SAMD12: variants seen among roughly 807,000 people sequenced by gnomAD.
SAMD12 encodes sterile alpha motif domain containing 12, also known as sterile alpha motif domain-containing protein 12.
A neutral mutation model predicts 15.0 loss-of-function variants in SAMD12; 9 were observed. The ratio of observed to expected loss-of-function variants is 0.60; its 90% confidence interval spans 0.36 to 1.05. SAMD12 has a LOEUF of 1.05. SAMD12 is among the 50% of genes least tolerant of loss of function. The pLI is 0.01. For synonymous variants in SAMD12, 86 were observed against 90.1 expected (o/e 0.96, Z 0.25); for missense variants, 230 against 234.2 (o/e 0.98, Z 0.12).
At chr8:118,346,342 A>G (rs1817651225) in intron 4 of SAMD12, among the ~76,000 whole-genome samples, 1 of 152,188 alleles carries the variant, frequency 6.6e-6, no homozygotes, top group Admixed American at 6.5e-5. Flanking sequence ...ATCCTTCCCA[A>G]CTGAATATTC....
intron 2 of SAMD12, among the ~76,000 whole-genome samples, chr8:118,518,005 C>T (rs1336497570): frequency 6.6e-6 from 1 of 152,180 alleles, no homozygotes; most frequent in Non-Finnish European, 1.5e-5. Context: ...CTCAGACTCA[C>T]TCTTTACTGA....
intron 2 of SAMD12, among the ~76,000 whole-genome samples, chr8:118,449,798 C>CAAAAAAAAAAAAAAAAAAA (rs35279962): frequency 1.4e-5 from 1 of 72,462 alleles, no homozygotes; most frequent in Non-Finnish European, 2.5e-5. Flanking sequence ...GAGACTGTCT[C>CAAAAAAAAAAAAAAAAAAA]AAAAAAAAAA....
chr8:118,184,622 A>G (rs147804685), downstream of SAMD12, among the ~76,000 whole-genome samples: 17 of 152,182 alleles, frequency 1.1e-4, no homozygotes, highest in East Asian at 3.3e-3. Flanking sequence ...CAGCCTCTGG[A>G]GTAGCTGGGA....
chr8:118,216,090 A>G (rs1811953291), intron 4 of SAMD12, among the ~76,000 whole-genome samples: 1 of 151,538 alleles, frequency 6.6e-6, no homozygotes, highest in Admixed American at 6.6e-5. Flanking sequence ...AGCAGTGTAA[A>G]AGTGTTCCTA....
chr8:118,144,828 T>G, the SAMD12 span, among the ~76,000 whole-genome samples: 1 of 152,190 alleles, frequency 6.6e-6, no homozygotes, highest in Non-Finnish European at 1.5e-5. Context: ...TAGCAAGTGA[T>G]AAAGCTTTTA....
chr8:118,583,107 C>A (rs1827338466), intron 1 of SAMD12, among the ~76,000 whole-genome samples: 1 of 152,102 alleles, frequency 6.6e-6, no homozygotes, highest in African/African-American at 2.4e-5. Context: ...ATGCCTATTA[C>A]TGAACTAACA....
rs569138501 is a variant in SAMD12 at position 118,204,562 on chromosome 8, G to C, written c.434-6830C>G. 3.3e-5 allele frequency among the ~76,000 whole-genome samples: 5 copies of C among 152,190 alleles called. No homozygotes were observed. In the East Asian group the frequency reaches 9.7e-4, roughly 29 times the overall value. The stretch of plus-strand genomic sequence containing the variant: ...GAGGTCAGAAGATCGACACCATCCT[G>C]GCTAACATGGTGAAACCCCATCTCC... On this transcript the variant is annotated intron_variant, in intron 4 of 4. Coordinates refer to the SAMD12 transcript ENST00000409003.
At chr8:118,618,714 C>T (rs766759754) in intron 1 of SAMD12, among the ~76,000 whole-genome samples, 1 of 151,998 alleles carries the variant, frequency 6.6e-6, no homozygotes, top group Non-Finnish European at 1.5e-5. Context: ...GTAGCAGGCA[C>T]CTGTAGCCCA....
At chr8:118,341,205 T>G (rs1817349991) in intron 4 of SAMD12, among the ~76,000 whole-genome samples, 1 of 152,184 alleles carries the variant, frequency 6.6e-6, no homozygotes, top group African/African-American at 2.4e-5. Flanking sequence ...CATGGTGGTC[T>G]CAGGGTAGCT....
chr8:118,240,862 T>A lies in SAMD12; in HGVS notation c.434-43130A>T, dbSNP rs1357151663. Reference sequence around the variant, plus strand: ...CAAGATTAAAGAGTCAACCAGCAGTTGACTGAGCTTTTTTCTCCTTGTCCA... The same window carrying A: ...CAAGATTAAAGAGTCAACCAGCAGTAGACTGAGCTTTTTTCTCCTTGTCCA... On this transcript the variant is annotated intron_variant, in intron 4 of 4. Transcript: ENST00000409003. Among the ~76,000 whole-genome samples the A allele has an allele frequency of 2.0e-5, 3 of 152,130 alleles. No individual in the cohort carries two copies. The South Asian group carries it at 6.2e-4, about 31-fold the overall frequency.
intron 1 of SAMD12, among the ~76,000 whole-genome samples, chr8:118,594,472 T>G (rs1827668765): frequency 6.6e-6 from 1 of 152,168 alleles, no homozygotes; most frequent in African/African-American, 2.4e-5. Context: ...GCTAAAGGTT[T>G]GAGTACTTCT....
chr8:118,308,534 G>A (rs1263335424), intron 4 of SAMD12, among the ~76,000 whole-genome samples: 1 of 152,106 alleles, frequency 6.6e-6, no homozygotes, highest in East Asian at 1.9e-4. Context: ...GCTGAGATAT[G>A]AGCAATACTC....
intron 4 of SAMD12, among the ~76,000 whole-genome samples, chr8:118,255,316 T>G (rs1812910440): frequency 6.6e-6 from 1 of 152,088 alleles, no homozygotes; most frequent in South Asian, 2.1e-4. Context: ...CCTGAATTCT[T>G]CTGGGGACAG....
chr8:118,252,767 GC>G (rs1398272831), intron 4 of SAMD12, among the ~76,000 whole-genome samples: 4 of 152,022 alleles, frequency 2.6e-5, no homozygotes, highest in Admixed American at 1.3e-4. Flanking sequence ...AGTGTAGAAG[GC>G]GCTGGGAGCT....
At chr8:118,321,647 G>C (rs1816291407) in intron 4 of SAMD12, among the ~76,000 whole-genome samples, 1 of 151,912 alleles carries the variant, frequency 6.6e-6, no homozygotes, top group Non-Finnish European at 1.5e-5. Context: ...GTTGTTCGTA[G>C]ATAGTGGAAG....
chr8:118,141,232 C>T, the SAMD12 span, among the ~76,000 whole-genome samples: 1 of 152,166 alleles, frequency 6.6e-6, no homozygotes. Context: ...TTCAGTAGCC[C>T]TTTGTTCAAT....
chr8:118,602,570 TG>T (rs1237372285), intron 1 of SAMD12, among the ~76,000 whole-genome samples: 1 of 152,156 alleles, frequency 6.6e-6, no homozygotes, highest in Non-Finnish European at 1.5e-5. Flanking sequence ...ATTAATAAAA[TG>T]GGTGGACAGA....
At chr8:118,392,021 T>C (rs1232114657) in intron 3 of SAMD12, among the ~76,000 whole-genome samples, 3 of 152,180 alleles carry the variant, frequency 2.0e-5, no homozygotes, top group Admixed American at 6.5e-5. Flanking sequence ...GTGGTCATTG[T>C]TGTGATAATT....
rs1415018462 is a variant in SAMD12, at chr8:118,449,812, A to AC, written c.193-9852_193-9851insG. 7.4e-4 allele frequency among the ~76,000 whole-genome samples: 111 copies of AC among 150,552 alleles called. 1 individual carries two copies. The highest frequency in any genetic ancestry group is 1.2e-3 in the Admixed American group (18 of 15,148). On this transcript the variant is annotated intron_variant, in intron 2 of 3. Coordinates refer to ENST00000314727, the MANE Select transcript of SAMD12 (RefSeq NM_207506.3). Reference sequence around the variant, plus strand: ...CGAGACTGTCTCAAAAAAAAAAAAAAAAAAACAACAAAAAAAAAGGTGAGA... The same window carrying AC: ...CGAGACTGTCTCAAAAAAAAAAAAAACAAAAACAACAAAAAAAAAGGTGAGA...
Sources: allele counts gnomAD v4.1 joint callset (sites outside exome capture counted in the v4.1 genomes callset), GRCh38; gene constraint gnomAD v4.1.1; transcripts MANE v1.5; gene names NCBI Gene and HGNC (gene_info 2026-07-23, HGNC 2026-07-21).